Variants in EML6 observed in about 807,000 individuals in gnomAD.
The protein encoded by EML6 is echinoderm microtubule-associated protein-like 6.
In EML6, 154 loss-of-function variants were observed where a neutral mutation model predicts 240.1. The observed-to-expected ratio is 0.64, with a 90% CI of 0.56 to 0.73. EML6 has a LOEUF of 0.73. Ranked by LOEUF, EML6 falls within the 30% of genes least tolerant of loss-of-function variation. EML6 has a pLI of 0.00. For synonymous variants in EML6, 1,148 were observed against 899.0 expected (o/e 1.28, Z -4.95); for missense variants, 2,964 against 2,474.6 (o/e 1.20, Z -4.20).
chr2:54,903,339 C>T (rs1222109840), intron 23 of EML6, 32 bp from the exon 24 acceptor site: 1 of 1,545,634 alleles, frequency 6.5e-7, no homozygotes, highest in Non-Finnish European at 8.7e-7. Flanking sequence ...ATATAAAATG[C>T]TTCGATGTTA....
intron 17 of EML6, among the ~76,000 whole-genome samples, chr2:54,890,398 A>G (rs1216777375): frequency 6.6e-6 from 1 of 152,174 alleles, no homozygotes; most frequent in Non-Finnish European, 1.5e-5. Flanking sequence ...AGTCCCTCTC[A>G]TGCTGTGAGA....
At chr2:54,932,501 G>A (rs962858980) in intron 28 of EML6, among the ~76,000 whole-genome samples, 118 of 152,072 alleles carry the variant, frequency 7.8e-4, no homozygotes, top group African/African-American at 2.8e-3. Context: ...CAAGTGCCAC[G>A]CCCCAACCTG....
intron 17 of EML6, chr2:54,881,950 G>A (rs1299433161): frequency 6.6e-6 from 1 of 152,300 alleles, no homozygotes; most frequent in African/African-American, 2.4e-5. Context: ...CAGAGGAGGA[G>A]CATGGTTGGT....
chr2:54,779,028 A>G (rs1668728694), intron 2 of EML6, among the ~76,000 whole-genome samples: 2 of 152,228 alleles, frequency 1.3e-5, no homozygotes, highest in African/African-American at 4.8e-5. Flanking sequence ...TCACCTGAGA[A>G]ATGACAGAGC....
At chr2:54,802,352 G>A (rs1670196582) in intron 2 of EML6, among the ~76,000 whole-genome samples, 1 of 152,268 alleles carries the variant, frequency 6.6e-6, no homozygotes, top group Admixed American at 6.5e-5. Context: ...TAGGCAGGGT[G>A]CAGTGACTCA....
chr2:54,848,051 A>AT (rs1669866506), intron 9 of EML6, among the ~76,000 whole-genome samples: 1 of 139,616 alleles, frequency 7.2e-6, no homozygotes, highest in Non-Finnish European at 1.6e-5. Flanking sequence ...TGGATAAAAG[A>AT]TTGTGGGCTT....
chr2:54,793,157 C>T (rs1431778508), intron 2 of EML6, among the ~76,000 whole-genome samples: 1 of 152,000 alleles, frequency 6.6e-6, no homozygotes, highest in East Asian at 1.9e-4. Flanking sequence ...ATCTCAGCTA[C>T]TAGGGAGGCT....
chr2:54,729,623 A>G (rs530843643), intron 2 of EML6, among the ~76,000 whole-genome samples: 1 of 152,250 alleles, frequency 6.6e-6, no homozygotes, highest in Non-Finnish European at 1.5e-5. Context: ...GGGAATTGGA[A>G]CCCAGATTGG....
intron 17 of EML6, among the ~76,000 whole-genome samples, chr2:54,886,031 G>A (rs137918139): frequency 6.6e-6 from 1 of 151,704 alleles, no homozygotes; most frequent in Non-Finnish European, 1.5e-5. Context: ...TTTTATTGTG[G>A]AAAATTTCAA....
intron 2 of EML6, among the ~76,000 whole-genome samples, chr2:54,788,265 T>C (rs6719425): frequency 0.58 from 88,533 of 152,070 alleles, 26,626 homozygotes; most frequent in African/African-American, 0.73. Context: ...GCTGCCCTCT[T>C]CTCTCTGGCA....
chr2:54,910,673 T>G (rs1395130391), intron 24 of EML6, among the ~76,000 whole-genome samples: 2 of 131,226 alleles, frequency 1.5e-5, no homozygotes, highest in Non-Finnish European at 3.2e-5. Flanking sequence ...ATATTTTCAG[T>G]GCAGCATATC....
At chr2:54,817,110 C>G (rs1668115373) in intron 4 of EML6, among the ~76,000 whole-genome samples, 1 of 152,090 alleles carries the variant, frequency 6.6e-6, no homozygotes, top group Non-Finnish European at 1.5e-5. Context: ...ATAGGCAAAG[C>G]AAATTTTTGA....
At chr2:54,894,411 A>G (rs1672649368) in intron 19 of EML6, among the ~76,000 whole-genome samples, 1 of 152,220 alleles carries the variant, frequency 6.6e-6, no homozygotes, top group Non-Finnish European at 1.5e-5. Flanking sequence ...ATTGAATGAA[A>G]TAGGATCGTT....
At chr2:54,807,998 C>T (rs764442459) in intron 2 of EML6, among the ~76,000 whole-genome samples, 1 of 152,210 alleles carries the variant, frequency 6.6e-6, no homozygotes, top group South Asian at 2.1e-4. Flanking sequence ...TCATTAGATG[C>T]ACCACTCATC....
intron 14 of EML6, 190 bp downstream of exon 14, chr2:54,867,074 G>A (rs1056652085): frequency 1.6e-5 from 7 of 440,908 alleles, no homozygotes; most frequent in Non-Finnish European, 2.5e-5. Context: ...TTCCCTCGTT[G>A]ATGTTCTGTG....
At chr2:54,845,222 A>T (rs1262214325) in intron 8 of EML6, among the ~76,000 whole-genome samples, 1 of 152,218 alleles carries the variant, frequency 6.6e-6, no homozygotes, top group East Asian at 1.9e-4. Context: ...AGTGAGAAAA[A>T]CTAAAACAAC....
chr2:54,883,763 T>A (rs548864431), intron 17 of EML6, among the ~76,000 whole-genome samples: 1 of 152,362 alleles, frequency 6.6e-6, no homozygotes, highest in African/African-American at 2.4e-5. Context: ...TGCAGGCAAC[T>A]TCCCTACAAG....
intron 2 of EML6, among the ~76,000 whole-genome samples, chr2:54,809,765 G>T (rs1293873071): frequency 6.6e-6 from 1 of 152,100 alleles, no homozygotes; most frequent in Admixed American, 6.6e-5. Context: ...TGCAAATCTA[G>T]TGAGTAAAGT....
chr2:54,817,003 TAAAC>T lies in EML6; in HGVS notation c.456+119_456+122del, dbSNP rs1353818802. On this transcript the variant is annotated intron_variant, in intron 4 of 41. Transcript: ENST00000356458. ...TATTTCAGTATACATTTTTTCCTAT[TAAAC>T]TTATAATCATCCTCTTTTTTCATGA... is the stretch of plus-strand genomic sequence containing the variant. 5 of 648,066 alleles carry T rather than the reference TAAAC, an allele frequency of 7.7e-6. No homozygotes were observed. The African/African-American group carries it at 9.1e-5, about 12-fold the overall frequency. The allele number at this position is 648,066 out of a possible 1,614,324, so 40.1% of individuals were successfully genotyped here.
Sources: allele counts gnomAD v4.1 joint callset (sites outside exome capture counted in the v4.1 genomes callset), GRCh38; gene constraint gnomAD v4.1.1; transcripts MANE v1.5; gene names NCBI Gene and HGNC (gene_info 2026-07-23, HGNC 2026-07-21).